The following USP37 variants were observed in gnomAD, a reference collection of about 807,000 sequenced individuals.
The protein encoded by USP37 is ubiquitin carboxyl-terminal hydrolase 37.
USP37 carries 27 observed loss-of-function variants against 124.0 expected under a neutral mutation model. That is an observed-to-expected ratio of 0.22 (90% CI 0.16 to 0.30). The LOEUF (loss-of-function observed/expected upper bound fraction) is 0.30. USP37 is among the 10% of genes least tolerant of loss of function. USP37 has a pLI of 1.00. For missense variants in USP37, 889 were observed against 1,140.4 expected (o/e 0.78, Z 3.17); for synonymous variants, 365 against 388.0 (o/e 0.94, Z 0.70).
chr2:218,552,860 G>A (rs1303096683), intron 5 of USP37, among the ~76,000 whole-genome samples: 1 of 152,126 alleles, frequency 6.6e-6, no homozygotes, highest in Non-Finnish European at 1.5e-5. Flanking sequence ...GGAGGTTGCA[G>A]TGAGCTGAGA....
rs1018138929 is a variant in USP37 at position 218,454,055 on chromosome 2, G to A, written c.*875C>T. The A allele has an allele frequency of 3.3e-5, 5 of 152,426 alleles. No individual in the cohort carries two copies. Among genetic ancestry groups the A allele is most frequent in the African/African-American group, 1.2e-4 (5 of 41,412 alleles). 9.4% of individuals were successfully genotyped at this position (152,426 alleles called of 1,614,324 possible). A position where few individuals can be genotyped will look rare whatever the true frequency, so the allele number is the denominator to read the frequency against. On this transcript the variant is annotated 3_prime_UTR_variant, in exon 26 of 26. Transcript: ENST00000258399. Reference sequence around the variant, plus strand: ...TTAAAGTTTTGGTTGCAATCCATTAGGGTAATGCTGCTCCATGGCAGAATG... The same window carrying A: ...TTAAAGTTTTGGTTGCAATCCATTAAGGTAATGCTGCTCCATGGCAGAATG...
intron 6 of USP37, among the ~76,000 whole-genome samples, chr2:218,548,346 CAT>C (rs890722508): frequency 6.6e-6 from 1 of 151,742 alleles, no homozygotes; most frequent in African/African-American, 2.4e-5. Context: ...ATATATATTA[CAT>C]ATATATATTT....
intron 8 of USP37, 26 bp downstream of exon 8, chr2:218,546,195 C>A: frequency 6.3e-7 from 1 of 1,580,218 alleles, no homozygotes; most frequent in Non-Finnish European, 8.7e-7. Context: ...TGCTCTAACA[C>A]TATAAAGGCC....
intron 3 of USP37, among the ~76,000 whole-genome samples, chr2:218,559,545 C>CA (rs1166915745): frequency 6.6e-6 from 1 of 152,048 alleles, no homozygotes; most frequent in Non-Finnish European, 1.5e-5. Context: ...AGAAAACAAA[C>CA]AAAAAACCTC....
chr2:218,551,467 T>C (rs975884301), intron 5 of USP37, among the ~76,000 whole-genome samples: 3 of 152,240 alleles, frequency 2.0e-5, no homozygotes, highest in African/African-American at 7.2e-5. Flanking sequence ...GGTGATACTT[T>C]CATGTTAGAG....
chr2:218,474,968 A>G, intron 19 of USP37, 83 bp from the exon 20 acceptor site: 2 of 1,422,110 alleles, frequency 1.4e-6, no homozygotes, highest in Non-Finnish European at 9.3e-7. Context: ...TAGCAACTTT[A>G]TTTCTAAAAA....
chr2:218,567,563 T>C (rs564109202), intron 1 of USP37, among the ~76,000 whole-genome samples: 5 of 152,116 alleles, frequency 3.3e-5, no homozygotes, highest in Non-Finnish European at 4.4e-5. Flanking sequence ...TTGTCAGGAA[T>C]TGCCACCTCA....
intron 8 of USP37, among the ~76,000 whole-genome samples, chr2:218,540,476 A>T (rs963740552): frequency 2.6e-5 from 4 of 152,064 alleles, no homozygotes; most frequent in African/African-American, 9.7e-5. Context: ...ATCCCTATAA[A>T]AATAAAAATA....
intron 11 of USP37, 78 bp downstream of exon 11, chr2:218,509,901 T>C: frequency 7.5e-7 from 1 of 1,336,522 alleles, no homozygotes; most frequent in Non-Finnish European, 9.9e-7. Context: ...GTGACTCCTT[T>C]AATTACATTT....
chr2:218,556,003 C>T (rs1379341476), intron 4 of USP37, among the ~76,000 whole-genome samples: 4 of 152,138 alleles, frequency 2.6e-5, no homozygotes, highest in Non-Finnish European at 4.4e-5. Context: ...CATCTAAACT[C>T]CCATAATAAC....
At chr2:218,527,068 G>A (rs1447496899) in intron 10 of USP37, among the ~76,000 whole-genome samples, 6 of 152,154 alleles carry the variant, frequency 3.9e-5, no homozygotes, top group African/African-American at 9.7e-5. Flanking sequence ...GACCACAGGC[G>A]TGAGCCACCG....
At chr2:218,560,793 A>T (rs539806953) in intron 3 of USP37, 27 bp downstream of exon 3, 26 of 151,894 alleles carry the variant, frequency 1.7e-4, no homozygotes, top group African/African-American at 6.3e-4. Context: ...ATTTATTTTT[A>T]ACAGCTACAA....
chr2:218,489,564 C>A (rs1691802623), intron 14 of USP37, among the ~76,000 whole-genome samples: 1 of 151,848 alleles, frequency 6.6e-6, no homozygotes, highest in South Asian at 2.1e-4. Context: ...TCACTGCAAC[C>A]TCTGCCTCCC....
intron 15 of USP37, among the ~76,000 whole-genome samples, chr2:218,487,881 A>G (rs940228823): frequency 1.3e-5 from 2 of 151,644 alleles, no homozygotes; most frequent in South Asian, 2.1e-4. Context: ...CCCACGAATA[A>G]TGTTGTTGAA....
At chr2:218,535,499 G>A (rs1691580010) in intron 8 of USP37, among the ~76,000 whole-genome samples, 1 of 151,670 alleles carries the variant, frequency 6.6e-6, no homozygotes, top group South Asian at 2.1e-4. Context: ...ATCACCTGAG[G>A]TTGGGAGTTC....
intron 8 of USP37, among the ~76,000 whole-genome samples, chr2:218,535,622 C>T (rs540913087): frequency 1.3e-5 from 2 of 151,752 alleles, no homozygotes; most frequent in South Asian, 2.1e-4. Flanking sequence ...TTTGGGAGGC[C>T]GAGGCAGGTG....
intron 13 of USP37, 42 bp from the exon 14 acceptor site, chr2:218,495,992 T>C (rs1416953299): frequency 3.8e-6 from 6 of 1,562,478 alleles, no homozygotes; most frequent in Non-Finnish European, 4.3e-6. Flanking sequence ...AAAACATTTC[T>C]TGTCACAATA....
intron 20 of USP37, among the ~76,000 whole-genome samples, chr2:218,467,236 C>T (rs897738174): frequency 1.3e-5 from 2 of 150,930 alleles, no homozygotes; most frequent in South Asian, 4.2e-4. Flanking sequence ...GCAACCTCCA[C>T]CTCTTTCAGG....
At chr2:218,458,272 A>AAC (rs1415052089) in intron 23 of USP37, among the ~76,000 whole-genome samples, 4 of 145,586 alleles carry the variant, frequency 2.7e-5, no homozygotes, top group Middle Eastern at 3.9e-3. Flanking sequence ...AAAAAAAAAA[A>AAC]AAAACAACTC....
Sources: allele counts gnomAD v4.1 joint callset (sites outside exome capture counted in the v4.1 genomes callset), GRCh38; gene constraint gnomAD v4.1.1; transcripts MANE v1.5; gene names NCBI Gene and HGNC (gene_info 2026-07-23, HGNC 2026-07-21).